Variants in UGCG observed in about 807,000 individuals in gnomAD.
The protein encoded by UGCG is ceramide glucosyltransferase.
A neutral mutation model predicts 49.5 loss-of-function variants in UGCG; 10 were observed. That is an observed-to-expected ratio of 0.20 (90% CI 0.12 to 0.34). The LOEUF (loss-of-function observed/expected upper bound fraction) is 0.34. Among genes scored for constraint, UGCG ranks in the 10% least tolerant of loss-of-function variants. UGCG has a pLI of 1.00. For missense variants in UGCG, 312 were observed against 483.7 expected (o/e 0.65, Z 3.33); for synonymous variants, 182 against 158.2 (o/e 1.15, Z -1.13).
At chr9:111,910,458 C>G (rs1363147034) in intron 1 of UGCG, among the ~76,000 whole-genome samples, 5 of 152,170 alleles carry the variant, frequency 3.3e-5, no homozygotes, top group African/African-American at 4.8e-5. Flanking sequence ...ACCTGTCCCT[C>G]TCTCTGGGCT....
chr9:111,899,780 C>T (rs1013478881), intron 1 of UGCG, among the ~76,000 whole-genome samples: 25 of 151,972 alleles, frequency 1.6e-4, no homozygotes, highest in Non-Finnish European at 2.1e-4. Flanking sequence ...TATTTTACTT[C>T]GTTATATGAG....
chr9:111,920,207 G>A (rs1838195357), intron 2 of UGCG, among the ~76,000 whole-genome samples: 1 of 152,134 alleles, frequency 6.6e-6, no homozygotes, highest in African/African-American at 2.4e-5. Flanking sequence ...AATAACAGCA[G>A]TATGTAGGTA....
chr9:111,897,633 C>T (rs1355758981), intron 1 of UGCG, among the ~76,000 whole-genome samples: 16 of 152,114 alleles, frequency 1.1e-4, no homozygotes, highest in Admixed American at 5.2e-4. Context: ...AATTTTTCAT[C>T]TGGGCCGAGA....
chr9:111,926,332 C>G, intron 4 of UGCG, 52 bp from the exon 5 acceptor site: 2 of 1,328,196 alleles, frequency 1.5e-6, no homozygotes, highest in Non-Finnish European at 2.1e-6. Flanking sequence ...GGGCATTCTA[C>G]TAAAAACAAA....
chr9:111,906,123 T>C lies in UGCG; in HGVS notation c.99-8482T>C, dbSNP rs1240365928. ...TTTATTCACTTGTGATCTCTACCTG[T>C]GGGCATTATTTATACTACAAGTTGC... On this transcript the variant is annotated intron_variant, in intron 1 of 8. Coordinates refer to ENST00000374279, the MANE Select transcript of UGCG (RefSeq NM_003358.3). Among the ~76,000 whole-genome samples, 7 of 152,204 alleles carry C rather than the reference T, an allele frequency of 4.6e-5. No homozygotes were observed. In the East Asian group the frequency reaches 7.7e-4, roughly 17 times the overall value.
chr9:111,915,450 A>G (rs2118542945), intron 2 of UGCG, among the ~76,000 whole-genome samples: 1 of 152,326 alleles, frequency 6.6e-6, no homozygotes, highest in East Asian at 1.9e-4. Context: ...GCAGCTTTGT[A>G]TTAAATTGCT....
In UGCG at chr9:111,912,348, C is replaced by T. The variant is rs140042691; in HGVS notation, c.99-2257C>T. Among the ~76,000 whole-genome samples the T allele has an allele frequency of 6.0e-3, 908 of 152,024 alleles. 11 individuals are homozygous for T. The East Asian group carries it at 0.064, about 11-fold the overall frequency. ...ATCCCAGCACTTTGGGAAGCCGAGG[C>T]GGGCAGATCACTTAAGATGAAGAGT... On this transcript the variant is annotated intron_variant, in intron 1 of 8. Transcript: ENST00000374279.
intron 1 of UGCG, among the ~76,000 whole-genome samples, chr9:111,909,853 G>A (rs781670108): frequency 6.6e-6 from 1 of 152,156 alleles, no homozygotes; most frequent in African/African-American, 2.4e-5. Flanking sequence ...CGTACCCTAG[G>A]GGGTACACAA....
intron 1 of UGCG, among the ~76,000 whole-genome samples, chr9:111,912,448 G>A (rs1024625899): frequency 6.6e-6 from 1 of 151,910 alleles, no homozygotes; most frequent in African/African-American, 2.4e-5. Context: ...GCATGGTGGT[G>A]CATGCCTGTA....
At chr9:111,923,854 C>T (rs867208726) in intron 3 of UGCG, among the ~76,000 whole-genome samples, 55 of 152,310 alleles carry the variant, frequency 3.6e-4, no homozygotes, top group Middle Eastern at 3.4e-3. Context: ...TGGTCTCGAA[C>T]TGCTGACCTC....
intron 1 of UGCG, among the ~76,000 whole-genome samples, chr9:111,910,286 C>T (rs185857924): frequency 4.5e-4 from 68 of 152,256 alleles, no homozygotes; most frequent in Non-Finnish European, 6.5e-4. Flanking sequence ...ATTAGTGGGC[C>T]AGTTCTCTCT....
At chr9:111,929,778 TA>T (rs1838388051) in intron 6 of UGCG, 100 bp downstream of exon 6, 6 of 1,415,992 alleles carry the variant, frequency 4.2e-6, no homozygotes, top group East Asian at 4.8e-5. Context: ...AATTTAATTT[TA>T]TTTTTTTTGC....
At chr9:111,907,546 C>T (rs1245504618) in intron 1 of UGCG, among the ~76,000 whole-genome samples, 1 of 151,842 alleles carries the variant, frequency 6.6e-6, no homozygotes, top group African/African-American at 2.4e-5. Flanking sequence ...AGATACCAGA[C>T]ATTTTGAATT....
intron 1 of UGCG, among the ~76,000 whole-genome samples, chr9:111,902,688 A>T (rs1837799372): frequency 6.6e-6 from 1 of 152,228 alleles, no homozygotes; most frequent in South Asian, 2.1e-4. Context: ...CAGCGGAATT[A>T]TAAAAACAAC....
chr9:111,928,737 C>G (rs996467445), intron 5 of UGCG, among the ~76,000 whole-genome samples: 1 of 152,114 alleles, frequency 6.6e-6, no homozygotes, highest in African/African-American at 2.4e-5. Flanking sequence ...GATGACTACT[C>G]TTTATTTCAG....
intron 1 of UGCG, among the ~76,000 whole-genome samples, chr9:111,899,701 ATG>A (rs1458741307): frequency 6.6e-6 from 1 of 152,112 alleles, no homozygotes; most frequent in Non-Finnish European, 1.5e-5. Context: ...ATTATTATAT[ATG>A]TTAGTCTCTG....
At chr9:111,914,361 G>C (rs1265180601) in intron 1 of UGCG, among the ~76,000 whole-genome samples, 1 of 152,094 alleles carries the variant, frequency 6.6e-6, no homozygotes, top group Non-Finnish European at 1.5e-5. Flanking sequence ...AATAGCTGAT[G>C]AGCTTTAAAA....
rs761163278 is a variant in UGCG, at chr9:111,934,128, G to GTTTTTTTTTTTTTTTTTTTTT, written c.*1143_*1144insTTTTTTTTTTTTTTTTTTTTT. On this transcript the variant is annotated 3_prime_UTR_variant, in exon 9 of 9. Coordinates refer to ENST00000374279, the MANE Select transcript of UGCG (RefSeq NM_003358.3). ...GTATCAAACTAAGTCTACTGTGTGT[G>GTTTTTTTTTTTTTTTTTTTTT]TTTTTTTTTTTTGTTTTTTGTTTTT... 7.2e-6 allele frequency: 1 copy of GTTTTTTTTTTTTTTTTTTTTT among 139,826 alleles called. No homozygotes were observed. Among genetic ancestry groups the GTTTTTTTTTTTTTTTTTTTTT allele is most frequent in the Admixed American group, 7.2e-5 (1 of 13,854 alleles). 8.7% of individuals were successfully genotyped at this position (139,826 alleles called of 1,614,324 possible).
chr9:111,918,386 C>T (rs1838149153), intron 2 of UGCG, among the ~76,000 whole-genome samples: 1 of 152,108 alleles, frequency 6.6e-6, no homozygotes, highest in Non-Finnish European at 1.5e-5. Context: ...AATAAAATAT[C>T]TCATCAAATT....
Sources: allele counts gnomAD v4.1 joint callset (sites outside exome capture counted in the v4.1 genomes callset), GRCh38; gene constraint gnomAD v4.1.1; transcripts MANE v1.5; gene names NCBI Gene and HGNC (gene_info 2026-07-23, HGNC 2026-07-21).